The following ARHGAP25 variants were observed in gnomAD, a reference collection of about 807,000 sequenced individuals.
ARHGAP25 encodes Rho GTPase activating protein 25.
A neutral mutation model predicts 71.0 loss-of-function variants in ARHGAP25; 34 were observed. The ratio of observed to expected loss-of-function variants is 0.48; its 90% CI spans 0.36 to 0.64. ARHGAP25 has a LOEUF of 0.64. Among genes scored for constraint, ARHGAP25 ranks in the 30% least tolerant of loss-of-function variants. The pLI, the probability that ARHGAP25 is intolerant of heterozygous loss-of-function variation, is 0.00. For synonymous variants in ARHGAP25, 282 were observed against 296.5 expected (o/e 0.95, Z 0.50); for missense variants, 706 against 805.1 (o/e 0.88, Z 1.49).
chr2:68,807,618 T>G, intron 5 of ARHGAP25, 138 bp downstream of exon 5: 1 of 858,040 alleles, frequency 1.2e-6, no homozygotes, highest in Non-Finnish European at 1.8e-6. Flanking sequence ...GAAAGAGCCT[T>G]TGTTTCGCCC....
At chr2:68,808,142 C>T (rs1036087759) in intron 5 of ARHGAP25, among the ~76,000 whole-genome samples, 2 of 152,018 alleles carry the variant, frequency 1.3e-5, no homozygotes, top group Admixed American at 6.6e-5. Flanking sequence ...GCTGAGGTTT[C>T]CTTCTCTGCC....
At chr2:68,729,258 G>A (rs924042111) in intron 2 of ARHGAP25, among the ~76,000 whole-genome samples, 1 of 152,154 alleles carries the variant, frequency 6.6e-6, no homozygotes, top group East Asian at 1.9e-4. Context: ...TGTGAATTAT[G>A]TATCAATACA....
intron 10 of ARHGAP25, among the ~76,000 whole-genome samples, chr2:68,823,253 G>T (rs1426853070): frequency 6.6e-6 from 1 of 152,112 alleles, no homozygotes; most frequent in African/African-American, 2.4e-5. Flanking sequence ...CAGTTGTTAG[G>T]GTATAGCACT....
rs146486959 is a variant in ARHGAP25 at position 68,822,369 on chromosome 2, C to T, written c.1230C>T (p.Thr410=). The T allele has an allele frequency of 3.2e-4, 510 of 1,614,044 alleles. No individual in the cohort carries two copies. In the African/African-American group the frequency reaches 3.2e-3, roughly 10 times the overall value. Residue 410 remains threonine (T), a synonymous_variant, in exon 10 of 11, where the codon ACC becomes ACT. Coordinates refer to ENST00000409202, the MANE Select transcript of ARHGAP25 (RefSeq NM_001007231.3). ...GCGACTCTGATACAACCAGCCCCAC[C>T]GGACAGCAGCCGAGCGATGCGTTTC... The part of the protein sequence containing the change: ...MTSDSDTTSP[T]GQQPSDAFPE...
intron 1 of ARHGAP25, among the ~76,000 whole-genome samples, chr2:68,770,563 G>A (rs948517919): frequency 6.6e-6 from 1 of 152,140 alleles, no homozygotes; most frequent in African/African-American, 2.4e-5. Flanking sequence ...TTCTCTGTTC[G>A]TACTTCCTTC....
intron 1 of ARHGAP25, among the ~76,000 whole-genome samples, chr2:68,752,335 G>T (rs1573435642): frequency 6.7e-6 from 1 of 149,736 alleles, no homozygotes; most frequent in East Asian, 1.9e-4. Context: ...AAAAAAAAGA[G>T]AAATATTATG....
chr2:68,769,901 C>T (rs144712307), intron 1 of ARHGAP25, among the ~76,000 whole-genome samples: 1,527 of 152,244 alleles, frequency 0.01, 23 homozygotes, highest in African/African-American at 0.034. Context: ...CAGAAAAAGC[C>T]GCAAAGGACT....
intron 1 of ARHGAP25, among the ~76,000 whole-genome samples, chr2:68,741,218 C>CTGCAAG (rs1439243082): frequency 1.3e-5 from 2 of 152,158 alleles, no homozygotes; most frequent in African/African-American, 4.8e-5. Context: ...TATAGCTTCC[C>CTGCAAG]TGCAAGTAAT....
chr2:68,775,568 T>G (rs1370354776), intron 2 of ARHGAP25, 148 bp downstream of exon 2: 6 of 1,220,660 alleles, frequency 4.9e-6, no homozygotes, highest in Non-Finnish European at 7.0e-6. Context: ...TTACACCATT[T>G]TCTAGATACA....
upstream of ARHGAP25, among the ~76,000 whole-genome samples, chr2:68,733,427 C>T (rs755410634): frequency 6.6e-6 from 1 of 152,118 alleles, no homozygotes; most frequent in Non-Finnish European, 1.5e-5. Context: ...CTTACTAAAG[C>T]TTGGTTCAGA....
intron 3 of ARHGAP25, 24 bp downstream of exon 3, chr2:68,782,344 AG>A: frequency 1.2e-6 from 2 of 1,603,876 alleles, no homozygotes; most frequent in Non-Finnish European, 1.7e-6. Flanking sequence ...GGTAGGACAG[AG>A]GTGCAGTGCA....
chr2:68,729,980 A>T (rs1220878998), upstream of ARHGAP25, among the ~76,000 whole-genome samples: 1 of 152,270 alleles, frequency 6.6e-6, no homozygotes, highest in Non-Finnish European at 1.5e-5. Flanking sequence ...CCAATGCTCA[A>T]TGACACAGGG....
intron 4 of ARHGAP25, among the ~76,000 whole-genome samples, chr2:68,805,214 C>T (rs1003773630): frequency 3.3e-5 from 5 of 152,128 alleles, no homozygotes; most frequent in African/African-American, 1.2e-4. Flanking sequence ...GTTTTGGAAA[C>T]GTCAGTGTGA....
chr2:68,815,807 TCC>T (rs1681183759), intron 6 of ARHGAP25, among the ~76,000 whole-genome samples: 1 of 70,806 alleles, frequency 1.4e-5, no homozygotes, highest in East Asian at 5.1e-4. Context: ...TGCACCGTCC[TCC>T]AGCGTGGTCT....
At chr2:68,782,365 T>C in intron 3 of ARHGAP25, 45 bp downstream of exon 3, 2 of 1,568,518 alleles carry the variant, frequency 1.3e-6, no homozygotes, top group Non-Finnish European at 1.8e-6. Context: ...AGAAGTAAAA[T>C]TCCCATTTTA....
chr2:68,819,742 A>G (rs2103706113), intron 9 of ARHGAP25: 1 of 475,236 alleles, frequency 2.1e-6, no homozygotes, highest in South Asian at 3.8e-5. Context: ...TTCTCAGAGT[A>G]TGTGATGTGT....
chr2:68,726,135 A>G (rs903650586), intron 2 of ARHGAP25, among the ~76,000 whole-genome samples: 1 of 152,168 alleles, frequency 6.6e-6, no homozygotes, highest in Non-Finnish European at 1.5e-5. Flanking sequence ...CCTCATTAGA[A>G]CAAGCTCCAC....
rs749851241 is a variant in ARHGAP25 at position 68,822,455 on chromosome 2, A to T, written c.1316A>T (p.Lys439Ile). 3.1e-6 allele frequency: 5 copies of T among 1,614,070 alleles called. No homozygotes were observed. The highest frequency in any genetic ancestry group is 1.3e-5 in the African/African-American group (1 of 74,910). ...KPGDWKMQSRKRTQTLPNRKC... is the reference protein window; with the variant it reads ...KPGDWKMQSRIRTQTLPNRKC... ...GGAGACTGGAAAATGCAATCTCGTA[A>T]AAGGACTCAAACACTCCCTAACCGG... The change falls in exon 10 of 11, where the codon AAA becomes ATA. Residue 439 changes from lysine (K) to isoleucine (I), a missense_variant. Coordinates refer to ENST00000409202, the MANE Select transcript of ARHGAP25 (RefSeq NM_001007231.3).
chr2:68,718,429 A>G (rs1028764875), intron 2 of ARHGAP25, among the ~76,000 whole-genome samples: 1 of 152,136 alleles, frequency 6.6e-6, no homozygotes, highest in Non-Finnish European at 1.5e-5. Context: ...TTATAAGGGC[A>G]CACTTGGATA....
Sources: allele counts gnomAD v4.1 joint callset (sites outside exome capture counted in the v4.1 genomes callset), GRCh38; gene constraint gnomAD v4.1.1; transcripts MANE v1.5; gene names NCBI Gene and HGNC (gene_info 2026-07-23, HGNC 2026-07-21).